PDE8A: variants seen among roughly 807,000 people sequenced by gnomAD.
PDE8A encodes high affinity cAMP-specific and IBMX-insensitive 3',5'-cyclic phosphodiesterase 8A.
A neutral mutation model predicts 105.0 loss-of-function variants in PDE8A; 59 were observed. The observed-to-expected ratio is 0.56, with a 90% CI of 0.46 to 0.70. The LOEUF (loss-of-function observed/expected upper bound fraction) is 0.70, where lower values mean the gene tolerates loss of function less well. PDE8A is among the 30% of genes least tolerant of loss of function. The probability of loss-of-function intolerance (pLI) is 0.00; values close to 1 mark genes in which losing one functional copy is unlikely to be tolerated. For missense variants in PDE8A, 1,014 were observed against 1,045.9 expected, an observed-to-expected ratio of 0.97 and a Z score of 0.42; for synonymous variants, 355 against 371.9, an observed-to-expected ratio of 0.95 and a Z score of 0.52.
intron 18 of PDE8A, among the ~76,000 whole-genome samples, chr15:85,122,562 TAG>T (rs2141625821): frequency 6.6e-6 from 1 of 152,352 alleles, no homozygotes; most frequent in South Asian, 2.1e-4. Context: ...AGGGATTGAA[TAG>T]AGACTTTGTT....
At chr15:85,082,860 G>A (rs375942437) in intron 5 of PDE8A, among the ~76,000 whole-genome samples, 15 of 152,220 alleles carry the variant, frequency 9.9e-5, no homozygotes, top group African/African-American at 3.6e-4. Context: ...ATTTGATGGT[G>A]GAATGGGTCC....
At chr15:85,060,941 G>A (rs1284780585) in intron 1 of PDE8A, among the ~76,000 whole-genome samples, 1 of 152,086 alleles carries the variant, frequency 6.6e-6, no homozygotes, top group Non-Finnish European at 1.5e-5. Context: ...ATTTTACCCT[G>A]CAGGACTCCC....
intron 14 of PDE8A, among the ~76,000 whole-genome samples, chr15:85,114,798 C>G (rs1016906887): frequency 6.6e-6 from 1 of 152,176 alleles, no homozygotes; most frequent in African/African-American, 2.4e-5. Context: ...GAGACAGGGT[C>G]TCCTCCAGAC....
intron 1 of PDE8A, among the ~76,000 whole-genome samples, chr15:85,008,227 G>A (rs572696215): frequency 2.8e-4 from 43 of 152,212 alleles, no homozygotes; most frequent in African/African-American, 8.9e-4. Flanking sequence ...TCCCTACAGT[G>A]TCTGTGCCTG....
At chr15:85,137,348 G>C (rs1006128102) in intron 21 of PDE8A, among the ~76,000 whole-genome samples, 1 of 152,112 alleles carries the variant, frequency 6.6e-6, no homozygotes, top group African/African-American at 2.4e-5. Flanking sequence ...GACCAGACGC[G>C]TGTGTCCCCA....
chr15:85,006,794 G>T (rs1198103344), intron 1 of PDE8A, among the ~76,000 whole-genome samples: 1 of 151,948 alleles, frequency 6.6e-6, no homozygotes, highest in Admixed American at 6.6e-5. Context: ...CTACTGTATT[G>T]CGAGTGGGAG....
chr15:84,983,441 C>T (rs748027024), intron 1 of PDE8A, among the ~76,000 whole-genome samples: 2 of 152,346 alleles, frequency 1.3e-5, no homozygotes, highest in East Asian at 1.9e-4. Context: ...TTCTGTCTTA[C>T]ATTTCTAGCA....
chr15:85,007,401 G>C (rs1278818204), intron 1 of PDE8A, among the ~76,000 whole-genome samples: 1 of 150,362 alleles, frequency 6.7e-6, no homozygotes, highest in African/African-American at 2.4e-5. Context: ...ACTGGGAGGG[G>C]ACACAGGGCG....
chr15:85,019,715 G>A (rs999477785), intron 1 of PDE8A, among the ~76,000 whole-genome samples: 5 of 151,970 alleles, frequency 3.3e-5, no homozygotes, highest in Admixed American at 3.3e-4. Context: ...AAGTAGCTGG[G>A]ACTACAGGCA....
chr15:85,064,390 G>C lies in PDE8A; in HGVS notation c.207G>C (p.Gln69His). Residue 69 changes from glutamine (Q) to histidine (H), a missense_variant, in exon 2 of 22, where the codon CAG becomes CAC. Coordinates refer to ENST00000394553, the MANE Select transcript of PDE8A (RefSeq NM_002605.3). ...TACAGGTAGCAGTAGCTGATGTGCA[G>C]TTTGGCCCCATGAGATTTCATCAAG... is the stretch of plus-strand genomic sequence containing the variant. ...SGKKVAVADV[Q>H]FGPMRFHQDQ... 6.2e-7 allele frequency: 1 copy of C among 1,610,170 alleles called. No homozygotes were observed. The highest frequency in any genetic ancestry group is 1.3e-5 in the African/African-American group (1 of 74,954).
chr15:85,068,746 C>A (rs748235253), intron 3 of PDE8A, among the ~76,000 whole-genome samples: 7 of 152,106 alleles, frequency 4.6e-5, no homozygotes, highest in Non-Finnish European at 8.8e-5. Flanking sequence ...GGCCTCTTTC[C>A]TAGTCTTGTC....
At chr15:85,030,610 C>G (rs987571835) in intron 1 of PDE8A, among the ~76,000 whole-genome samples, 5 of 152,192 alleles carry the variant, frequency 3.3e-5, no homozygotes, top group African/African-American at 9.7e-5. Flanking sequence ...ACCCTGACCC[C>G]TCTGCAGCCT....
intron 1 of PDE8A, among the ~76,000 whole-genome samples, chr15:85,046,527 C>A (rs1596470281): frequency 6.6e-6 from 1 of 152,168 alleles, no homozygotes; most frequent in East Asian, 1.9e-4. Flanking sequence ...TTTTTGAATA[C>A]CATGTACTAG....
intron 1 of PDE8A, among the ~76,000 whole-genome samples, chr15:85,031,956 C>G (rs1454004806): frequency 6.6e-6 from 1 of 152,178 alleles, no homozygotes; most frequent in Non-Finnish European, 1.5e-5. Flanking sequence ...GAATAACATT[C>G]ACTTAGGAGT....
Position 84,981,950 on chromosome 15 carries a change from C to T in PDE8A, c.-213C>T, listed in dbSNP as rs1034603560. On this transcript the variant is annotated 5_prime_UTR_variant, in exon 1 of 22. Transcript: ENST00000394553. ...GGGGCGGCCTCGGCACGCCACCCGC[C>T]TAAGCGCCCCCTTCCCACCGCAGCC... 6 of 276,884 alleles carry T rather than the reference C, an allele frequency of 2.2e-5. No homozygotes were observed. Among genetic ancestry groups the T allele is most frequent in the African/African-American group, 9.0e-5 (4 of 44,586 alleles). The allele number at this position is 276,884 out of a possible 1,614,324, so 17.2% of individuals were successfully genotyped here. A position where few individuals can be genotyped will look rare whatever the true frequency, so the allele number is the denominator to read the frequency against.
At chr15:85,077,502 T>G (rs2081396280) in intron 5 of PDE8A, among the ~76,000 whole-genome samples, 1 of 152,190 alleles carries the variant, frequency 6.6e-6, no homozygotes, top group African/African-American at 2.4e-5. Flanking sequence ...GACTCCTAAG[T>G]GCCTGGCAGA....
At chr15:85,122,174 C>T (rs529129275) in intron 18 of PDE8A, among the ~76,000 whole-genome samples, 51 of 152,240 alleles carry the variant, frequency 3.3e-4, no homozygotes, top group African/African-American at 1.2e-3. Flanking sequence ...CTTCGTAGCA[C>T]GTATCACATT....
At chr15:85,128,468 C>T (rs2082288625) in intron 20 of PDE8A, among the ~76,000 whole-genome samples, 1 of 152,066 alleles carries the variant, frequency 6.6e-6, no homozygotes, top group South Asian at 2.1e-4. Context: ...TGCACTCCAA[C>T]CTGGGTGACA....
At chr15:85,028,858 T>C (rs2080563550) in intron 1 of PDE8A, among the ~76,000 whole-genome samples, 1 of 151,984 alleles carries the variant, frequency 6.6e-6, no homozygotes, top group Non-Finnish European at 1.5e-5. Flanking sequence ...CATTAAGCAC[T>C]GTGTCTAACT....
Sources: allele counts gnomAD v4.1 joint callset (sites outside exome capture counted in the v4.1 genomes callset), GRCh38; gene constraint gnomAD v4.1.1; transcripts MANE v1.5; gene names NCBI Gene and HGNC (gene_info 2026-07-23, HGNC 2026-07-21).